The following NDUFA5 variants were observed in gnomAD, a reference collection of about 807,000 sequenced individuals.
NDUFA5 encodes the protein NADH dehydrogenase [ubiquinone] 1 alpha subcomplex subunit 5.
Under a neutral mutation model 19.8 loss-of-function variants are expected in NDUFA5, and 11 were observed. The ratio of observed to expected loss-of-function variants is 0.56; its 90% CI spans 0.35 to 0.92. The LOEUF is 0.92. NDUFA5 is among the 40% of genes least tolerant of loss of function. The pLI, the probability that NDUFA5 is intolerant of heterozygous loss-of-function variation, is 0.01. For synonymous variants in NDUFA5, 47 were observed against 46.8 expected (o/e 1.00, Z -0.01); for missense variants, 109 against 134.2 (o/e 0.81, Z 0.93).
At chr7:123,563,982 G>T in the NDUFA5 span, among the ~76,000 whole-genome samples, 1 of 152,172 alleles carries the variant, frequency 6.6e-6, no homozygotes, top group Non-Finnish European at 1.5e-5. Flanking sequence ...CAAAAAAAAG[G>T]TTGGTGAATT....
At chr7:123,552,492 G>T (rs956781976) in intron 2 of NDUFA5, among the ~76,000 whole-genome samples, 2 of 151,998 alleles carry the variant, frequency 1.3e-5, no homozygotes, top group Non-Finnish European at 1.5e-5. Context: ...GTCAGTGGGT[G>T]GGGGGCCAGG....
chr7:123,552,251 G>T (rs1169934020), intron 2 of NDUFA5, among the ~76,000 whole-genome samples: 2 of 151,462 alleles, frequency 1.3e-5, no homozygotes, highest in African/African-American at 2.4e-5. Flanking sequence ...AATGCCCAGT[G>T]ATAGACTGGA....
chr7:123,584,884 A>C, the NDUFA5 span: 1 of 151,974 alleles, frequency 6.6e-6, no homozygotes, highest in Non-Finnish European at 1.5e-5. Flanking sequence ...TCAATATTTT[A>C]AATATGTAAA....
At chr7:123,596,454 A>T in the NDUFA5 span, 24 of 152,134 alleles carry the variant, frequency 1.6e-4, no homozygotes, top group African/African-American at 5.8e-4. Flanking sequence ...AAAGAAATAA[A>T]AAAAAAAATT....
rs1301169649 is a variant in NDUFA5, at chr7:123,540,087, T to C, written c.*2032A>G. ...AGTGTCCCCAAGGCCCCAAGTTGCA[T>C]AATTGCAGGGGAAAACTACTCACGT... On this transcript the variant is annotated 3_prime_UTR_variant, in exon 5 of 5. Transcript: ENST00000355749. The C allele has an allele frequency of 6.6e-6, 1 of 152,186 alleles. No homozygotes were observed. The highest frequency in any genetic ancestry group is 1.9e-4 in the East Asian group (1 of 5,196). 9.4% of individuals were successfully genotyped at this position (152,186 alleles called of 1,614,324 possible). A position where few individuals can be genotyped will look rare whatever the true frequency, so the allele number is the denominator to read the frequency against.
the NDUFA5 span, chr7:123,567,160 A>C: frequency 6.6e-6 from 1 of 152,234 alleles, no homozygotes; most frequent in East Asian, 1.9e-4. Context: ...GCAGAGGGGC[A>C]GTGGCTTGAG....
In NDUFA5 at chr7:123,557,349, AGG is replaced by A. The variant is rs1265852183; in HGVS notation, c.66+53_66+54del. On this transcript the variant is annotated intron_variant, in intron 2 of 4. Transcript: ENST00000355749. The stretch of plus-strand genomic sequence containing the variant: ...TTAACCCTGCAATAAGCAAAGTGAC[AGG>A]AATTTAGTCTTCCTTGGGAATTCAA... The A allele has an allele frequency of 2.5e-6, 4 of 1,610,556 alleles. No individual in the cohort carries two copies. The South Asian group carries it at 3.3e-5, about 13-fold the overall frequency.
At chr7:123,550,629 A>G (rs778331568) in intron 2 of NDUFA5, 43 bp from the exon 3 acceptor site, 1 of 1,173,772 alleles carries the variant, frequency 8.5e-7, no homozygotes, top group Non-Finnish European at 1.2e-6. Flanking sequence ...TTAAAATATT[A>G]CCAAAGACTT....
At chr7:123,568,963 G>GA in the NDUFA5 span, among the ~76,000 whole-genome samples, 1 of 152,136 alleles carries the variant, frequency 6.6e-6, no homozygotes, top group African/African-American at 2.4e-5. Context: ...TAAAATGGGG[G>GA]ACAGAAGACA....
the NDUFA5 span, among the ~76,000 whole-genome samples, chr7:123,566,317 A>T: frequency 6.6e-6 from 1 of 152,210 alleles, no homozygotes; most frequent in Non-Finnish European, 1.5e-5. Context: ...AGGAACTAAC[A>T]CTGTCAATAC....
chr7:123,542,499 AC>A (rs1172136223), intron 4 of NDUFA5, among the ~76,000 whole-genome samples: 2 of 152,174 alleles, frequency 1.3e-5, no homozygotes, highest in Non-Finnish European at 2.9e-5. Context: ...ATAATATTTC[AC>A]AAGTTTTTTG....
At chr7:123,568,669 T>C in the NDUFA5 span, among the ~76,000 whole-genome samples, 1 of 151,658 alleles carries the variant, frequency 6.6e-6, no homozygotes, top group African/African-American at 2.4e-5. Context: ...AGAAAGAAAA[T>C]AAGTGATGAA....
chr7:123,596,442 C>G, the NDUFA5 span: 13 of 151,488 alleles, frequency 8.6e-5, no homozygotes, highest in African/African-American at 3.2e-4. Context: ...CCCATCTCTA[C>G]AAAAGAAATA....
At chr7:123,557,590 G>C (rs928714300) in intron 1 of NDUFA5, 142 bp from the exon 2 acceptor site, 1 of 1,612,846 alleles carries the variant, frequency 6.2e-7, no homozygotes, top group African/African-American at 1.3e-5. Flanking sequence ...CTTGTTTGGA[G>C]CTTTTTTCCT....
At chr7:123,593,865 G>C in the NDUFA5 span, among the ~76,000 whole-genome samples, 1 of 152,172 alleles carries the variant, frequency 6.6e-6, no homozygotes, top group South Asian at 2.1e-4. Flanking sequence ...ATAATAGCCT[G>C]AAGAGTGTTT....
chr7:123,593,338 C>T, the NDUFA5 span, among the ~76,000 whole-genome samples: 1 of 151,970 alleles, frequency 6.6e-6, no homozygotes, highest in Non-Finnish European at 1.5e-5. Context: ...TTATTTTGCC[C>T]GTTAATTGAT....
the NDUFA5 span, among the ~76,000 whole-genome samples, chr7:123,578,691 T>C: frequency 6.6e-6 from 1 of 152,088 alleles, no homozygotes; most frequent in Non-Finnish European, 1.5e-5. Context: ...AATAGCTTAG[T>C]CTTTTCTTTC....
the NDUFA5 span, among the ~76,000 whole-genome samples, chr7:123,589,268 A>G: frequency 4.0e-5 from 6 of 150,696 alleles, no homozygotes; most frequent in Admixed American, 2.0e-4. Flanking sequence ...GATAAATTTA[A>G]CCACTTCATC....
At chr7:123,579,095 T>C in the NDUFA5 span, among the ~76,000 whole-genome samples, 2 of 152,016 alleles carry the variant, frequency 1.3e-5, no homozygotes, top group African/African-American at 4.8e-5. Flanking sequence ...TCAGTGTCTA[T>C]TGTATCCATC....
Sources: allele counts gnomAD v4.1 joint callset (sites outside exome capture counted in the v4.1 genomes callset), GRCh38; gene constraint gnomAD v4.1.1; transcripts MANE v1.5; gene names NCBI Gene and HGNC (gene_info 2026-07-23, HGNC 2026-07-21).